The following RBFOX1 variants were observed in gnomAD, a reference collection of about 807,000 sequenced individuals.
RBFOX1 encodes the protein RNA binding fox-1 homolog 1.
In RBFOX1, 8 loss-of-function variants were observed where a neutral mutation model predicts 57.7. The observed-to-expected ratio is 0.14, with a 90% CI of 0.08 to 0.25. RBFOX1 has a LOEUF of 0.25. Ranked by LOEUF, RBFOX1 falls within the 10% of genes least tolerant of loss-of-function variation. The probability of loss-of-function intolerance (pLI) is 1.00; values close to 1 mark genes in which losing one functional copy is unlikely to be tolerated. For synonymous variants in RBFOX1, 326 were observed against 222.4 expected (o/e 1.47, Z -4.15); for missense variants, 611 against 548.5 (o/e 1.11, Z -1.14).
exon 3 of RBFOX1, chr16:5,599,513 A>C (rs951468226): frequency 5.6e-5 from 24 of 428,802 alleles, no homozygotes; most frequent in Non-Finnish European, 9.0e-5. Flanking sequence ...ATACTTCTGA[A>C]ATCACTCATG....
rs750637314 is a variant in RBFOX1, at chr16:7,037,583, C to T, written c.-15-14474C>T. On this transcript the variant is annotated intron_variant, in intron 3 of 15. Coordinates refer to ENST00000550418, the MANE Select transcript of RBFOX1 (RefSeq NM_018723.4). ...ACAACAACAAATGGACTACTGAATT[C>T]AGTTTACTTTCTTGTAGTGAAAAGG... Among the ~76,000 whole-genome samples, 6 of 152,284 alleles carry T rather than the reference C, an allele frequency of 3.9e-5. No homozygotes were observed. The East Asian group carries it at 7.7e-4, about 20-fold the overall frequency.
intron 1 of RBFOX1, among the ~76,000 whole-genome samples, chr16:6,121,764 A>G (rs187478088): frequency 6.6e-6 from 1 of 152,146 alleles, no homozygotes; most frequent in Admixed American, 6.5e-5. Flanking sequence ...AAGTTCATTG[A>G]TCTCTCTCAG....
chr16:6,590,764 T>C (rs182848830), intron 2 of RBFOX1, among the ~76,000 whole-genome samples: 1 of 152,214 alleles, frequency 6.6e-6, no homozygotes, highest in Non-Finnish European at 1.5e-5. Flanking sequence ...TGAAGGGTGT[T>C]GGGATGGGTG....
intron 3 of RBFOX1, among the ~76,000 whole-genome samples, chr16:5,779,815 C>A (rs1270424893): frequency 6.6e-6 from 1 of 152,192 alleles, no homozygotes; most frequent in African/African-American, 2.4e-5. Context: ...TAAGTTCAAA[C>A]CCTAGCTCTC....
chr16:7,000,480 T>G (rs1030745880), intron 3 of RBFOX1, among the ~76,000 whole-genome samples: 1 of 152,162 alleles, frequency 6.6e-6, no homozygotes. Context: ...CTTTCTTCTT[T>G]ATATTTTCTG....
chr16:7,482,111 C>G (rs941435436), intron 4 of RBFOX1, among the ~76,000 whole-genome samples: 1 of 152,226 alleles, frequency 6.6e-6, no homozygotes, highest in African/African-American at 2.4e-5. Context: ...ATCATAGCAA[C>G]AAGTCCTCCT....
At chr16:5,393,735 A>T (rs1298439405) in intron 1 of RBFOX1, among the ~76,000 whole-genome samples, 1 of 152,234 alleles carries the variant, frequency 6.6e-6, no homozygotes, top group East Asian at 1.9e-4. Flanking sequence ...AATCATGTTT[A>T]CCATGTCTAA....
chr16:7,111,110 C>A (rs2064674145), intron 4 of RBFOX1, among the ~76,000 whole-genome samples: 1 of 152,098 alleles, frequency 6.6e-6, no homozygotes, highest in Non-Finnish European at 1.5e-5. Context: ...AGACATGTGG[C>A]CAATCTCATT....
At chr16:5,317,427 G>A (rs1218551426) in intron 1 of RBFOX1, among the ~76,000 whole-genome samples, 1 of 152,180 alleles carries the variant, frequency 6.6e-6, no homozygotes, top group Admixed American at 6.5e-5. Context: ...GGCCAACATG[G>A]TGAAACCCTG....
chr16:7,705,637 T>C lies in RBFOX1; in HGVS notation c.996-3419T>C, dbSNP rs948786174. On this transcript the variant is annotated intron_variant, in intron 14 of 15. Transcript: ENST00000550418. ...TTATTCTAGGATCAATGGAAAACTATTGAAGGGTTTTAAGCGGGGAGTCAT... is the reference window on the plus strand; with the variant it reads ...TTATTCTAGGATCAATGGAAAACTACTGAAGGGTTTTAAGCGGGGAGTCAT... 9.2e-5 allele frequency among the ~76,000 whole-genome samples: 14 copies of C among 152,300 alleles called. 1 individual carries two copies. The highest frequency in any genetic ancestry group is 4.1e-4 in the South Asian group (2 of 4,822).
At chr16:7,237,549 A>C (rs929536627) in intron 4 of RBFOX1, among the ~76,000 whole-genome samples, 1 of 152,198 alleles carries the variant, frequency 6.6e-6, no homozygotes, top group African/African-American at 2.4e-5. Context: ...AAGTGCTTAG[A>C]CTCTAGATTT....
At chr16:6,891,101 A>G (rs979725797) in intron 3 of RBFOX1, among the ~76,000 whole-genome samples, 1 of 152,150 alleles carries the variant, frequency 6.6e-6, no homozygotes, top group Admixed American at 6.5e-5. Flanking sequence ...TTCTTCCAAT[A>G]TCCATCCATT....
chr16:6,021,107 T>C (rs1026254348), intron 1 of RBFOX1, among the ~76,000 whole-genome samples: 5 of 152,202 alleles, frequency 3.3e-5, no homozygotes, highest in African/African-American at 1.2e-4. Context: ...ATCTTTTCAG[T>C]TGAACTTGAA....
chr16:6,368,596 C>A (rs1301777114), intron 2 of RBFOX1, among the ~76,000 whole-genome samples: 1 of 152,192 alleles, frequency 6.6e-6, no homozygotes, highest in Non-Finnish European at 1.5e-5. Flanking sequence ...TCCACTCATG[C>A]CCTTATTATT....
At chr16:7,241,719 A>T (rs1487890875) in intron 4 of RBFOX1, among the ~76,000 whole-genome samples, 2 of 152,154 alleles carry the variant, frequency 1.3e-5, no homozygotes, top group African/African-American at 4.8e-5. Context: ...ATGGACAAAT[A>T]TATATGCATA....
intron 11 of RBFOX1, among the ~76,000 whole-genome samples, chr16:7,640,168 C>T (rs549685664): frequency 1.3e-5 from 2 of 152,284 alleles, no homozygotes; most frequent in African/African-American, 4.8e-5. Flanking sequence ...CTTCTTCATC[C>T]GTGTGTTGTT....
chr16:7,507,814 C>T (rs2073868650), intron 4 of RBFOX1, among the ~76,000 whole-genome samples: 1 of 152,180 alleles, frequency 6.6e-6, no homozygotes, highest in African/African-American at 2.4e-5. Context: ...CCGCCCGCCT[C>T]GGTCTTCCAA....
intron 1 of RBFOX1, among the ~76,000 whole-genome samples, chr16:5,434,068 C>T (rs1202418445): frequency 6.6e-6 from 1 of 152,146 alleles, no homozygotes; most frequent in Non-Finnish European, 1.5e-5. Flanking sequence ...ACATCAGAGC[C>T]TTGCAAAACT....
intron 1 of RBFOX1, among the ~76,000 whole-genome samples, chr16:5,245,755 A>G (rs2062283158): frequency 6.6e-6 from 1 of 150,418 alleles, no homozygotes; most frequent in Non-Finnish European, 1.5e-5. Flanking sequence ...AATTTTTATG[A>G]AATATTTTCA....
Sources: gnomAD v4.1 joint callset for allele counts (sites outside exome capture counted in the v4.1 genomes callset) on GRCh38, gnomAD v4.1.1 for gene constraint, MANE v1.5 for transcripts, NCBI Gene and HGNC (gene_info 2026-07-23, HGNC 2026-07-21) for gene names.